ADAMTSL3: variants seen among roughly 807,000 people sequenced by gnomAD.
The protein encoded by ADAMTSL3 is ADAMTS like 3.
In ADAMTSL3, 128 loss-of-function variants were observed where a neutral mutation model predicts 201.7. That is an observed-to-expected ratio of 0.63 (90% CI 0.55 to 0.73). The LOEUF (loss-of-function observed/expected upper bound fraction) is 0.73. ADAMTSL3 is among the 30% of genes least tolerant of loss of function. The probability of loss-of-function intolerance (pLI) is 0.00; values close to 1 mark genes in which losing one functional copy is unlikely to be tolerated. For synonymous variants in ADAMTSL3, 738 were observed against 748.4 expected (o/e 0.99, Z 0.23); for missense variants, 1,990 against 2,119.6 (o/e 0.94, Z 1.20).
intron 4 of ADAMTSL3, among the ~76,000 whole-genome samples, chr15:83,784,243 C>G (rs2063223780): frequency 6.6e-6 from 1 of 152,166 alleles, no homozygotes; most frequent in African/African-American, 2.4e-5. Context: ...TGCCCTTACA[C>G]TTTTGTCTTA....
intron 2 of ADAMTSL3, among the ~76,000 whole-genome samples, chr15:83,687,558 T>C (rs1252488498): frequency 6.6e-6 from 1 of 152,132 alleles, no homozygotes; most frequent in South Asian, 2.1e-4. Context: ...CACAGCTAGC[T>C]GTTACATCCT....
At chr15:83,824,529 T>G (rs1200383384) in intron 6 of ADAMTSL3, among the ~76,000 whole-genome samples, 2 of 152,322 alleles carry the variant, frequency 1.3e-5, no homozygotes, top group African/African-American at 2.4e-5. Context: ...ACTCTTGGTG[T>G]TGTAAATTCT....
chr15:83,867,232 G>A (rs910831378), intron 8 of ADAMTSL3, among the ~76,000 whole-genome samples: 3 of 152,130 alleles, frequency 2.0e-5, no homozygotes, highest in Non-Finnish European at 4.4e-5. Flanking sequence ...CAACATCAAT[G>A]TCAGTCTCTT....
At chr15:83,719,074 A>T (rs2062060045) in intron 3 of ADAMTSL3, among the ~76,000 whole-genome samples, 1 of 152,192 alleles carries the variant, frequency 6.6e-6, no homozygotes, top group South Asian at 2.1e-4. Flanking sequence ...AAAAAGGGAG[A>T]CAGCCAAACA....
At chr15:83,862,513 C>G (rs988576000) in intron 8 of ADAMTSL3, 6 of 152,080 alleles carry the variant, frequency 3.9e-5, no homozygotes, top group African/African-American at 1.4e-4. Context: ...CATATCCAGC[C>G]AAACTAAGCT....
chr15:84,036,108 A>G (rs1483114811), intron 28 of ADAMTSL3, among the ~76,000 whole-genome samples: 1 of 152,180 alleles, frequency 6.6e-6, no homozygotes, highest in East Asian at 1.9e-4. Context: ...CTTAGGGAAC[A>G]AGGGCAGATA....
Position 83,655,774 on chromosome 15 carries a change from A to T in ADAMTSL3, c.13A>T (p.Thr5Ser), listed in dbSNP as rs181910603. The T allele has an allele frequency of 2.5e-5, 40 of 1,614,118 alleles. No homozygotes were observed. In the African/African-American group the frequency reaches 5.2e-4, roughly 21 times the overall value. ...GAGACTAGACCCCATGGCTTCCTGG[A>T]CGAGCCCCTGGTGGGTGCTGATAGG... is the stretch of plus-strand genomic sequence containing the variant. Reference protein sequence around the residue: MASWTSPWWVLIGMV... With the variant: MASWSSPWWVLIGMV... The change falls in exon 2 of 30, where the codon ACG becomes TCG. Residue 5 changes from threonine to serine, a missense_variant. Coordinates refer to ENST00000286744, the MANE Select transcript of ADAMTSL3 (RefSeq NM_207517.3).
At chr15:83,953,007 A>G (rs966832534) in intron 19 of ADAMTSL3, among the ~76,000 whole-genome samples, 10 of 152,114 alleles carry the variant, frequency 6.6e-5, no homozygotes, top group African/African-American at 1.9e-4. Flanking sequence ...TTTTCAGTCT[A>G]TGTGTATCTT....
At chr15:83,930,599 C>T (rs989524775) in intron 17 of ADAMTSL3, among the ~76,000 whole-genome samples, 1 of 152,162 alleles carries the variant, frequency 6.6e-6, no homozygotes, top group African/African-American at 2.4e-5. Flanking sequence ...ATCTCTTGCC[C>T]ACAGAGCTTC....
intron 2 of ADAMTSL3, among the ~76,000 whole-genome samples, chr15:83,697,439 C>G (rs558800016): frequency 1.3e-5 from 2 of 152,254 alleles, no homozygotes; most frequent in East Asian, 3.9e-4. Context: ...GACTGCCCTT[C>G]ACACGCCAAT....
intron 4 of ADAMTSL3, among the ~76,000 whole-genome samples, chr15:83,792,265 G>A (rs908581802): frequency 2.6e-5 from 4 of 152,152 alleles, no homozygotes; most frequent in African/African-American, 9.7e-5. Flanking sequence ...TTTAAGTGAT[G>A]TAAGCCAAAA....
chr15:83,831,003 C>G (rs1460465376), intron 6 of ADAMTSL3, among the ~76,000 whole-genome samples: 2 of 152,146 alleles, frequency 1.3e-5, no homozygotes, highest in Admixed American at 6.5e-5. Context: ...TAGAAATATA[C>G]AACTAATGAA....
chr15:83,755,776 G>A (rs2062710212), intron 3 of ADAMTSL3, among the ~76,000 whole-genome samples: 1 of 149,124 alleles, frequency 6.7e-6, no homozygotes, highest in Non-Finnish European at 1.5e-5. Flanking sequence ...TTTTTTTTGA[G>A]ACATTCTTAC....
chr15:83,988,798 G>A lies in ADAMTSL3; in HGVS notation c.3824G>A (p.Ser1275Asn), dbSNP rs887460353. Residue 1275 changes from serine to asparagine, a missense_variant, in exon 22 of 30, where the codon AGT becomes AAT. Ser to Asn is a conservative substitution (Grantham distance 46). Transcript: ENST00000286744. Reference protein sequence around the residue: ...VANHLGSDVESSSVLYAEAPV... With the variant: ...VANHLGSDVENSSVLYAEAPV... The stretch of plus-strand genomic sequence containing the variant: ...AATCATCTTGGTTCAGATGTGGAAA[G>A]TTCTTCTGTGCTGTATGCAGGTAAT... The A allele has an allele frequency of 1.0e-5, 16 of 1,601,818 alleles. No individual in the cohort carries two copies. The Admixed American group carries it at 1.7e-4, about 17-fold the overall frequency.
chr15:83,682,530 C>T (rs1010617063), intron 2 of ADAMTSL3, among the ~76,000 whole-genome samples: 1 of 152,188 alleles, frequency 6.6e-6, no homozygotes, highest in South Asian at 2.1e-4. Flanking sequence ...GAAGAGCCTA[C>T]CAATGTCACT....
At chr15:83,863,613 C>T (rs1486938895) in intron 8 of ADAMTSL3, among the ~76,000 whole-genome samples, 3 of 152,124 alleles carry the variant, frequency 2.0e-5, no homozygotes, top group African/African-American at 7.2e-5. Flanking sequence ...ACATTCAAAG[C>T]AGTATGTAGA....
intron 12 of ADAMTSL3, 136 bp from the exon 13 acceptor site, chr15:83,892,548 G>T: frequency 1.2e-6 from 1 of 822,962 alleles, no homozygotes; most frequent in Non-Finnish European, 1.9e-6. Context: ...AAAGTATAAA[G>T]TCTTATGACT....
At chr15:83,871,975 A>G (rs1056649189) in intron 9 of ADAMTSL3, among the ~76,000 whole-genome samples, 6 of 152,318 alleles carry the variant, frequency 3.9e-5, no homozygotes, top group Middle Eastern at 3.4e-3. Flanking sequence ...TCACTGAGAC[A>G]TCAGTTGTGT....
intron 13 of ADAMTSL3, 104 bp downstream of exon 13, chr15:83,892,992 G>A: frequency 8.8e-7 from 1 of 1,134,540 alleles, no homozygotes; most frequent in Non-Finnish European, 1.3e-6. Context: ...AAAAAAAAGT[G>A]GTAAAAGAGC....
Sources: allele counts gnomAD v4.1 joint callset (sites outside exome capture counted in the v4.1 genomes callset), GRCh38; gene constraint gnomAD v4.1.1; transcripts MANE v1.5; gene names NCBI Gene and HGNC (gene_info 2026-07-23, HGNC 2026-07-21).